RIGI: variants seen among roughly 807,000 people sequenced by gnomAD.
RIGI encodes antiviral innate immune response receptor RIG-I.
the RIGI span, among the ~76,000 whole-genome samples, chr9:32,498,497 G>A: frequency 1.2e-3 from 177 of 152,172 alleles, no homozygotes; most frequent in African/African-American, 4.2e-3. Flanking sequence ...AACCCTTTAT[G>A]AAAAATAAAG....
At chr9:32,501,910 C>T in the RIGI span, among the ~76,000 whole-genome samples, 1 of 152,132 alleles carries the variant, frequency 6.6e-6, no homozygotes, top group Non-Finnish European at 1.5e-5. Context: ...AAAATCAACC[C>T]TTTCAAAAAA....
At chr9:32,487,850 T>C in the RIGI span, 5 of 1,448,024 alleles carry the variant, frequency 3.5e-6, no homozygotes, top group African/African-American at 1.4e-5. Flanking sequence ...ACTTGGGACC[T>C]GAGAAGGACA....
At chr9:32,489,661 G>GA in the RIGI span, among the ~76,000 whole-genome samples, 193 of 136,438 alleles carry the variant, frequency 1.4e-3, no homozygotes, top group Middle Eastern at 3.8e-3. Context: ...TGGCAAGAAA[G>GA]AAAAAAAAAA....
At chr9:32,457,856 C>T in the RIGI span, among the ~76,000 whole-genome samples, 1,812 of 152,218 alleles carry the variant, frequency 0.012, 29 homozygotes, top group African/African-American at 0.04. Context: ...CTAATGTGTC[C>T]ACAGGCCCCA....
chr9:32,458,991 C>T, the RIGI span, among the ~76,000 whole-genome samples: 1 of 150,584 alleles, frequency 6.6e-6, no homozygotes, highest in Non-Finnish European at 1.5e-5. Flanking sequence ...CCGGTTCAAG[C>T]GATTCTCCTG....
the RIGI span, among the ~76,000 whole-genome samples, chr9:32,462,836 A>G: frequency 6.6e-6 from 1 of 152,302 alleles, no homozygotes; most frequent in South Asian, 2.1e-4. Context: ...ATGCCCAGCT[A>G]GACCTAGAAT....
chr9:32,507,094 G>C, the RIGI span, among the ~76,000 whole-genome samples: 1 of 152,074 alleles, frequency 6.6e-6, no homozygotes, highest in Non-Finnish European at 1.5e-5. Context: ...TAGAATAATA[G>C]CTAACAGTAA....
the RIGI span, chr9:32,487,873 C>A: frequency 6.5e-7 from 1 of 1,534,922 alleles, no homozygotes. Flanking sequence ...TTCAGTGTGG[C>A]CATAAGAGTA....
the RIGI span, among the ~76,000 whole-genome samples, chr9:32,512,136 G>A: frequency 5.3e-3 from 804 of 152,198 alleles, 4 homozygotes; most frequent in African/African-American, 0.019. Flanking sequence ...TTCTACCAGA[G>A]GTACAAAGAG....
At chr9:32,478,041 G>GTTTTT in the RIGI span, among the ~76,000 whole-genome samples, 36 of 151,456 alleles carry the variant, frequency 2.4e-4, no homozygotes, top group African/African-American at 8.8e-4. Flanking sequence ...TGTTTTATCG[G>GTTTTT]TTTTTGTTTT....
the RIGI span, among the ~76,000 whole-genome samples, chr9:32,515,156 C>T: frequency 6.6e-6 from 1 of 152,044 alleles, no homozygotes; most frequent in African/African-American, 2.4e-5. Context: ...AATCCTAGCA[C>T]TTTGAGAGGC....
chr9:32,517,639 GGCAGCAGGTT>G, the RIGI span, among the ~76,000 whole-genome samples: 1 of 152,182 alleles, frequency 6.6e-6, no homozygotes, highest in African/African-American at 2.4e-5. Flanking sequence ...ATCAGAGTTT[GGCAGCAGGTT>G]ATAAAGCTAT....
At chr9:32,491,912 G>A in the RIGI span, among the ~76,000 whole-genome samples, 3 of 152,132 alleles carry the variant, frequency 2.0e-5, no homozygotes, top group African/African-American at 7.2e-5. Flanking sequence ...CTGAGTGTCA[G>A]CTTCAAGAAA....
At chr9:32,498,081 T>C in the RIGI span, among the ~76,000 whole-genome samples, 1 of 152,218 alleles carries the variant, frequency 6.6e-6, no homozygotes, top group South Asian at 2.1e-4. Flanking sequence ...ACCAACCTCC[T>C]GACTGCCCCT....
chr9:32,513,665 C>A, the RIGI span, among the ~76,000 whole-genome samples: 1 of 151,986 alleles, frequency 6.6e-6, no homozygotes, highest in South Asian at 2.1e-4. Context: ...GACATAGGCA[C>A]GGGCAAAGAC....
chr9:32,526,081 A>C, the RIGI span: 2 of 1,613,696 alleles, frequency 1.2e-6, no homozygotes, highest in Non-Finnish European at 1.7e-6. Context: ...CCAGGGGGCC[A>C]TGTAGCTCAG....
the RIGI span, among the ~76,000 whole-genome samples, chr9:32,474,262 A>C: frequency 6.6e-6 from 1 of 151,892 alleles, no homozygotes; most frequent in African/African-American, 2.4e-5. Flanking sequence ...TCAAAAAATT[A>C]ATACCTAGGT....
the RIGI span, among the ~76,000 whole-genome samples, chr9:32,490,453 ATC>A: frequency 3.9e-5 from 6 of 152,148 alleles, no homozygotes; most frequent in Admixed American, 2.6e-4. Flanking sequence ...ATATTCATGT[ATC>A]TGTTTTTTTT....
the RIGI span, chr9:32,491,179 A>T: frequency 1.8e-6 from 2 of 1,092,568 alleles, no homozygotes; most frequent in Non-Finnish European, 2.7e-6. Flanking sequence ...AATTCTCTTT[A>T]CTTTCTTAAT....
Sources: allele counts gnomAD v4.1 joint callset (sites outside exome capture counted in the v4.1 genomes callset), GRCh38; gene constraint gnomAD v4.1.1; transcripts MANE v1.5; gene names NCBI Gene and HGNC (gene_info 2026-07-23, HGNC 2026-07-21).